WDR7: variants seen among roughly 807,000 people sequenced by gnomAD.
The protein encoded by WDR7 is WD repeat-containing protein 7.
A neutral mutation model predicts 169.4 loss-of-function variants in WDR7; 46 were observed. The ratio of observed to expected loss-of-function variants is 0.27; its 90% CI spans 0.21 to 0.35. The LOEUF is 0.35. WDR7 is among the 10% of genes least tolerant of loss of function. WDR7 has a pLI of 1.00. For synonymous variants in WDR7, 612 were observed against 666.8 expected, an observed-to-expected ratio of 0.92 and a Z score of 1.27; for missense variants, 1,534 against 1,859.3, an observed-to-expected ratio of 0.83 and a Z score of 3.22.
chr18:56,768,960 G>A (rs969557334), intron 16 of WDR7, among the ~76,000 whole-genome samples: 3 of 152,242 alleles, frequency 2.0e-5, no homozygotes, highest in Non-Finnish European at 4.4e-5. Context: ...ACCAATATTA[G>A]GGCACTTCAT....
intron 16 of WDR7, among the ~76,000 whole-genome samples, chr18:56,772,015 C>T (rs967065083): frequency 1.3e-4 from 16 of 123,768 alleles, no homozygotes; most frequent in African/African-American, 3.7e-4. Context: ...GAGCTGTGAT[C>T]ACACCACTAC....
intron 14 of WDR7, among the ~76,000 whole-genome samples, chr18:56,749,637 A>G (rs1298249999): frequency 6.6e-6 from 1 of 152,070 alleles, no homozygotes; most frequent in East Asian, 1.9e-4. Context: ...TTCAAGATAA[A>G]TAGTAAATTA....
At chr18:56,770,443 A>G (rs1180314928) in intron 16 of WDR7, among the ~76,000 whole-genome samples, 2 of 152,196 alleles carry the variant, frequency 1.3e-5, no homozygotes, top group Non-Finnish European at 2.9e-5. Flanking sequence ...CTCTCTCCCC[A>G]TGGTTCTTGG....
At chr18:56,820,427 G>A (rs991894385) in intron 20 of WDR7, among the ~76,000 whole-genome samples, 3 of 142,294 alleles carry the variant, frequency 2.1e-5, no homozygotes, top group Non-Finnish European at 4.5e-5. Context: ...GCAATGATAC[G>A]TGGATCCCAA....
intron 25 of WDR7, among the ~76,000 whole-genome samples, chr18:56,959,882 A>C (rs1599194769): frequency 1.3e-5 from 2 of 152,270 alleles, no homozygotes; most frequent in Non-Finnish European, 2.9e-5. Flanking sequence ...GACTGGCTCC[A>C]GGAAAGAGCA....
At chr18:56,724,118 T>G (rs1406403481) in intron 13 of WDR7, among the ~76,000 whole-genome samples, 7 of 151,900 alleles carry the variant, frequency 4.6e-5, no homozygotes, top group Non-Finnish European at 7.4e-5. Context: ...GTCTTCAAAT[T>G]TTAATATGTT....
intron 25 of WDR7, among the ~76,000 whole-genome samples, chr18:56,948,157 T>C (rs749867486): frequency 6.6e-6 from 1 of 152,112 alleles, no homozygotes; most frequent in Non-Finnish European, 1.5e-5. Context: ...GTACATTATA[T>C]GCACGACTGC....
intron 25 of WDR7, among the ~76,000 whole-genome samples, chr18:56,941,158 A>G (rs1170797193): frequency 1.3e-5 from 2 of 152,314 alleles, no homozygotes; most frequent in Middle Eastern, 3.4e-3. Context: ...AGGAGAGGTA[A>G]TTATACAGAC....
At chr18:56,811,094 T>C (rs2044860906) in intron 19 of WDR7, among the ~76,000 whole-genome samples, 1 of 152,222 alleles carries the variant, frequency 6.6e-6, no homozygotes. Flanking sequence ...TTAATATTTA[T>C]TCATGCCATA....
chr18:56,840,447 TTAAAA>T (rs1655778674), intron 20 of WDR7, among the ~76,000 whole-genome samples: 1 of 152,176 alleles, frequency 6.6e-6, no homozygotes, highest in Admixed American at 6.5e-5. Context: ...GTAAAAAGTT[TTAAAA>T]TAATATCAAA....
chr18:57,011,473 T>G (rs2145916597), intron 26 of WDR7, among the ~76,000 whole-genome samples: 2 of 151,284 alleles, frequency 1.3e-5, no homozygotes, highest in Admixed American at 1.3e-4. Flanking sequence ...ATTAAGATGT[T>G]AAAATGATAT....
chr18:56,878,144 A>G (rs766639815), intron 20 of WDR7, among the ~76,000 whole-genome samples: 3 of 152,246 alleles, frequency 2.0e-5, no homozygotes, highest in East Asian at 1.9e-4. Flanking sequence ...AAGAAGTAAC[A>G]TTCCTATTAT....
intron 20 of WDR7, among the ~76,000 whole-genome samples, chr18:56,867,002 T>TTTAC (rs1278052132): frequency 2.7e-5 from 4 of 149,666 alleles, no homozygotes; most frequent in African/African-American, 5.1e-5. Flanking sequence ...AACAACTTTA[T>TTTAC]TTACTTACTT....
intron 19 of WDR7, among the ~76,000 whole-genome samples, chr18:56,789,612 C>CCT (rs371030945): frequency 3.3e-5 from 5 of 151,814 alleles, no homozygotes; most frequent in South Asian, 4.2e-4. Flanking sequence ...TTTTCACCTG[C>CCT]CTCTCTCTCT....
At chr18:56,807,022 G>A (rs888320316) in intron 19 of WDR7, among the ~76,000 whole-genome samples, 1 of 151,726 alleles carries the variant, frequency 6.6e-6, no homozygotes, top group African/African-American at 2.4e-5. Flanking sequence ...GCCTTCATCA[G>A]TTTCCCTTTG....
intron 26 of WDR7, among the ~76,000 whole-genome samples, chr18:56,995,543 A>G (rs536060996): frequency 7.2e-5 from 11 of 152,296 alleles, no homozygotes; most frequent in Admixed American, 6.5e-4. Flanking sequence ...TTTCTAAGTC[A>G]TGTTCATAAT....
At chr18:56,875,374 G>C (rs1453055193) in intron 20 of WDR7, among the ~76,000 whole-genome samples, 1 of 152,072 alleles carries the variant, frequency 6.6e-6, no homozygotes, top group African/African-American at 2.4e-5. Context: ...TACCCCTCAA[G>C]TGATCACCCC....
chr18:56,770,082 A>G (rs1267552950), intron 16 of WDR7, among the ~76,000 whole-genome samples: 8 of 152,192 alleles, frequency 5.3e-5, no homozygotes, highest in Admixed American at 3.3e-4. Context: ...ATGAATCTAC[A>G]GATAACCTTC....
chr18:57,002,193 C>G (rs980879526), intron 26 of WDR7, among the ~76,000 whole-genome samples: 2 of 151,866 alleles, frequency 1.3e-5, no homozygotes, highest in Non-Finnish European at 1.5e-5. Context: ...TGTACTATGC[C>G]CTGAGTTGTC....
Sources: allele counts gnomAD v4.1 joint callset (sites outside exome capture counted in the v4.1 genomes callset), GRCh38; gene constraint gnomAD v4.1.1; transcripts MANE v1.5; gene names NCBI Gene and HGNC (gene_info 2026-07-23, HGNC 2026-07-21).